The following LARGE1 variants were observed in gnomAD, a reference collection of about 807,000 sequenced individuals.
The protein encoded by LARGE1 is xylosyl- and glucuronyltransferase LARGE1.
LARGE1 carries 43 observed loss-of-function variants against 87.6 expected under a neutral mutation model. The observed-to-expected ratio is 0.49, with a 90% CI of 0.38 to 0.63. The LOEUF (loss-of-function observed/expected upper bound fraction) is 0.63. Among genes scored for constraint, LARGE1 ranks in the 30% least tolerant of loss-of-function variants. The pLI, the probability that LARGE1 is intolerant of heterozygous loss-of-function variation, is 0.00. For missense variants in LARGE1, 802 were observed against 1,000.2 expected (o/e 0.80, Z 2.67); for synonymous variants, 434 against 394.6 (o/e 1.10, Z -1.18).
intron 1 of LARGE1, among the ~76,000 whole-genome samples, chr22:33,878,491 C>T (rs1027276254): frequency 1.3e-5 from 2 of 152,234 alleles, no homozygotes; most frequent in African/African-American, 2.4e-5. Context: ...TTTTCCTAAA[C>T]GAAGGCAATT....
chr22:33,157,141 C>A, the LARGE1 span, among the ~76,000 whole-genome samples: 1 of 152,214 alleles, frequency 6.6e-6, no homozygotes, highest in Non-Finnish European at 1.5e-5. Context: ...TTAATAAAGA[C>A]TGGCCTTTTG....
chr22:33,912,732 T>C (rs985285618), intron 1 of LARGE1, among the ~76,000 whole-genome samples: 4 of 149,864 alleles, frequency 2.7e-5, no homozygotes, highest in Admixed American at 6.7e-5. Flanking sequence ...TAGAACAAAA[T>C]CTTTTTTGGA....
At chr22:33,867,947 G>T (rs1239944050) in intron 1 of LARGE1, among the ~76,000 whole-genome samples, 6 of 152,120 alleles carry the variant, frequency 3.9e-5, no homozygotes, top group South Asian at 2.1e-4. Flanking sequence ...TCTACCTGCG[G>T]CTTGCCCAAT....
At position 33,395,215 on chromosome 22, in the gene LARGE1, C is replaced by A. The variant is rs1312283255; in HGVS notation, c.893-10911G>T. Among the ~76,000 whole-genome samples, 7 of 117,712 alleles carry A rather than the reference C, an allele frequency of 5.9e-5. No individual in the cohort carries two copies. In the Admixed American group the frequency reaches 6.9e-4, roughly 12 times the overall value. The allele number at this position is 117,712 out of a possible 152,430, so 77.2% of individuals were successfully genotyped here. On this transcript the variant is annotated intron_variant, in intron 7 of 14. Coordinates refer to ENST00000397394, the MANE Select transcript of LARGE1 (RefSeq NM_133642.5). Reference sequence around the variant, plus strand: ...CTGCACTCCAGCCTGGGTGACGCAGCGACTCTGCCTCAAAAAAAAAAAAAA... The same window carrying A: ...CTGCACTCCAGCCTGGGTGACGCAGAGACTCTGCCTCAAAAAAAAAAAAAA...
At chr22:33,695,916 T>C (rs2082229117) in intron 2 of LARGE1, among the ~76,000 whole-genome samples, 1 of 152,180 alleles carries the variant, frequency 6.6e-6, no homozygotes, top group South Asian at 2.1e-4. Flanking sequence ...GGCAATCCCT[T>C]ATTGATTAAG....
the LARGE1 span, among the ~76,000 whole-genome samples, chr22:33,085,168 C>T: frequency 1.3e-5 from 2 of 152,094 alleles, no homozygotes; most frequent in African/African-American, 2.4e-5. Flanking sequence ...CCCAGCTGCT[C>T]GGGAGGCTGA....
chr22:33,728,913 C>T (rs977978777), intron 2 of LARGE1, among the ~76,000 whole-genome samples: 2 of 152,150 alleles, frequency 1.3e-5, no homozygotes, highest in Admixed American at 6.5e-5. Context: ...AAATAATATC[C>T]AGCTTTCTTT....
chr22:33,490,756 A>C (rs2069802874), intron 6 of LARGE1, among the ~76,000 whole-genome samples: 1 of 152,178 alleles, frequency 6.6e-6, no homozygotes, highest in South Asian at 2.1e-4. Flanking sequence ...GACACTCTCC[A>C]CATTCAAATA....
intron 2 of LARGE1, chr22:33,724,271 G>A (rs2083199848): frequency 6.6e-6 from 1 of 152,392 alleles, no homozygotes; most frequent in Non-Finnish European, 1.5e-5. Flanking sequence ...ATGCATTTTT[G>A]CTGTTCTCCT....
chr22:33,444,701 A>G (rs1409757966), intron 6 of LARGE1, among the ~76,000 whole-genome samples: 2 of 152,228 alleles, frequency 1.3e-5, no homozygotes, highest in Non-Finnish European at 2.9e-5. Context: ...GCGTATTTCA[A>G]AGGTCTCTGT....
chr22:33,716,369 C>G (rs182836553), intron 2 of LARGE1, among the ~76,000 whole-genome samples: 22 of 152,216 alleles, frequency 1.4e-4, no homozygotes, highest in African/African-American at 4.6e-4. Flanking sequence ...TGCATTTGTT[C>G]AGAAATTTTT....
At chr22:33,653,156 G>C (rs532678164) in intron 2 of LARGE1, among the ~76,000 whole-genome samples, 3 of 152,130 alleles carry the variant, frequency 2.0e-5, no homozygotes, top group Non-Finnish European at 4.4e-5. Flanking sequence ...TGGCTTCCTC[G>C]GGAGTTACAC....
At chr22:33,481,637 T>C (rs1283275528) in intron 6 of LARGE1, among the ~76,000 whole-genome samples, 2 of 152,302 alleles carry the variant, frequency 1.3e-5, no homozygotes, top group East Asian at 3.9e-4. Flanking sequence ...GGCAGGTATA[T>C]CACTAATTTT....
chr22:33,098,513 C>A, the LARGE1 span, among the ~76,000 whole-genome samples: 2 of 151,704 alleles, frequency 1.3e-5, no homozygotes, highest in African/African-American at 4.8e-5. Flanking sequence ...CCCAGCTACT[C>A]GGGAGGCTGA....
chr22:33,701,207 T>C (rs558806783), intron 2 of LARGE1, among the ~76,000 whole-genome samples: 2 of 152,246 alleles, frequency 1.3e-5, no homozygotes, highest in African/African-American at 2.4e-5. Flanking sequence ...GCCTTTACAT[T>C]GCTGTCAGGA....
intron 9 of LARGE1, among the ~76,000 whole-genome samples, chr22:33,367,929 C>T (rs570251976): frequency 6.6e-6 from 1 of 151,968 alleles, no homozygotes; most frequent in South Asian, 2.1e-4. Context: ...TGTTTAGAAC[C>T]ATGAGTAATG....
chr22:33,388,455 T>C (rs1333583473), intron 7 of LARGE1, among the ~76,000 whole-genome samples: 1 of 152,268 alleles, frequency 6.6e-6, no homozygotes, highest in Non-Finnish European at 1.5e-5. Flanking sequence ...TTTACATTTC[T>C]TTTATTCATT....
At chr22:33,137,725 T>G in the LARGE1 span, among the ~76,000 whole-genome samples, 1 of 152,046 alleles carries the variant, frequency 6.6e-6, no homozygotes, top group Admixed American at 6.5e-5. Context: ...TGTGTCCCAG[T>G]TAATTCAGCT....
chr22:33,459,682 T>TGGGCAG (rs2068292365), intron 6 of LARGE1, among the ~76,000 whole-genome samples: 1 of 150,868 alleles, frequency 6.6e-6, no homozygotes. Context: ...GCCTAGGCAA[T>TGGGCAG]TTATCTGATA....
Sources: gnomAD v4.1 joint callset for allele counts (sites outside exome capture counted in the v4.1 genomes callset) on GRCh38, gnomAD v4.1.1 for gene constraint, MANE v1.5 for transcripts, NCBI Gene and HGNC (gene_info 2026-07-23, HGNC 2026-07-21) for gene names.